SIK2: variants seen among roughly 807,000 people sequenced by gnomAD.
SIK2 encodes serine/threonine-protein kinase SIK2.
SIK2 carries 29 observed loss-of-function variants against 103.2 expected under a neutral mutation model. The observed-to-expected ratio is 0.28, with a 90% CI of 0.21 to 0.38. The LOEUF is 0.38. Among genes scored for constraint, SIK2 ranks in the 10% least tolerant of loss-of-function variants. The pLI, the probability that SIK2 is intolerant of heterozygous loss-of-function variation, is 1.00. For synonymous variants in SIK2, 412 were observed against 446.1 expected (o/e 0.92, Z 0.96); for missense variants, 879 against 1,171.0 (o/e 0.75, Z 3.64).
At chr11:111,621,702 G>T (rs1941888570) in intron 3 of SIK2, among the ~76,000 whole-genome samples, 1 of 152,028 alleles carries the variant, frequency 6.6e-6, no homozygotes, top group Non-Finnish European at 1.5e-5. Context: ...ATCACCTGAG[G>T]TCAGGAGTTC....
chr11:111,626,788 T>G (rs1941967112), intron 3 of SIK2, among the ~76,000 whole-genome samples: 1 of 152,192 alleles, frequency 6.6e-6, no homozygotes, highest in Non-Finnish European at 1.5e-5. Context: ...CAGTGTACTG[T>G]ACTCTGTTAT....
At chr11:111,628,417 T>TCTTTCTTTCTTTCTTTCTTC in intron 3 of SIK2, among the ~76,000 whole-genome samples, 1 of 30,466 alleles carries the variant, frequency 3.3e-5, no homozygotes, top group East Asian at 5.5e-4. Flanking sequence ...CGCTTTCATA[T>TCTTTCTTTCTTTCTTTCTTC]CTTTCTTTCT....
At chr11:111,697,544 G>T (rs1264374909) in intron 4 of SIK2, among the ~76,000 whole-genome samples, 1 of 152,186 alleles carries the variant, frequency 6.6e-6, no homozygotes, top group African/African-American at 2.4e-5. Flanking sequence ...TTCATGAAAT[G>T]TAAGTGTTGT....
chr11:111,715,252 A>C (rs1277857460), intron 9 of SIK2, among the ~76,000 whole-genome samples: 1 of 152,172 alleles, frequency 6.6e-6, no homozygotes, highest in Non-Finnish European at 1.5e-5. Context: ...TGTCAGCAAA[A>C]ACGCTTGTCC....
intron 9 of SIK2, among the ~76,000 whole-genome samples, chr11:111,715,793 CTTTTTTTT>C (rs535843069): frequency 1.2e-5 from 1 of 81,580 alleles, no homozygotes; most frequent in African/African-American, 4.9e-5. Flanking sequence ...TCATTTTTAG[CTTTTTTTT>C]TTTTTTTTTT....
At chr11:111,642,458 C>T (rs1942195384) in intron 3 of SIK2, among the ~76,000 whole-genome samples, 1 of 152,116 alleles carries the variant, frequency 6.6e-6, no homozygotes, top group Non-Finnish European at 1.5e-5. Context: ...AAGAATACAA[C>T]TCAGAAACAG....
chr11:111,644,302 A>C (rs1399663557), intron 3 of SIK2, among the ~76,000 whole-genome samples: 1 of 150,786 alleles, frequency 6.6e-6, no homozygotes, highest in East Asian at 1.9e-4. Context: ...AAAAAAAAAA[A>C]AAGAAAGAAA....
At chr11:111,626,409 T>C (rs1009273576) in intron 3 of SIK2, among the ~76,000 whole-genome samples, 1 of 152,052 alleles carries the variant, frequency 6.6e-6, no homozygotes, top group African/African-American at 2.4e-5. Flanking sequence ...TTCTCTCTTT[T>C]CCCTTACTTG....
chr11:111,721,206 G>A (rs965187651), intron 12 of SIK2, 144 bp downstream of exon 12: 23 of 1,021,560 alleles, frequency 2.3e-5, no homozygotes, highest in East Asian at 8.0e-5. Context: ...TCTTTGCCTT[G>A]TTGCTGCCAC....
intron 1 of SIK2, among the ~76,000 whole-genome samples, chr11:111,610,481 C>CTT: frequency 6.9e-6 from 1 of 145,646 alleles, no homozygotes; most frequent in Middle Eastern, 3.6e-3. Flanking sequence ...GAGCAAGACT[C>CTT]TGTCTAAAAA....
intron 3 of SIK2, among the ~76,000 whole-genome samples, chr11:111,624,605 TCA>T (rs1255374899): frequency 1.3e-5 from 2 of 152,250 alleles, no homozygotes; most frequent in African/African-American, 4.8e-5. Context: ...CAATTACTTG[TCA>T]CACACTGTTA....
chr11:111,655,916 C>G (rs555786737), intron 3 of SIK2, among the ~76,000 whole-genome samples: 2 of 151,950 alleles, frequency 1.3e-5, no homozygotes, highest in African/African-American at 2.4e-5. Context: ...GGTGCAGTGG[C>G]TCACACCTGT....
intron 3 of SIK2, among the ~76,000 whole-genome samples, chr11:111,642,151 C>T (rs1183961895): frequency 2.6e-5 from 4 of 152,082 alleles, no homozygotes; most frequent in Non-Finnish European, 5.9e-5. Context: ...GGAGGGGCTC[C>T]CTCCACACCA....
intron 3 of SIK2, among the ~76,000 whole-genome samples, chr11:111,663,209 G>T (rs1164155150): frequency 6.7e-6 from 1 of 149,852 alleles, no homozygotes; most frequent in Non-Finnish European, 1.5e-5. Flanking sequence ...CTCCAGCCTG[G>T]GCAACAGAGT....
Position 111,723,789 on chromosome 11 carries a change from T to G in SIK2, c.2441T>G (p.Leu814Arg), listed in dbSNP as rs1232067247. 3 of 1,613,868 alleles carry G rather than the reference T, an allele frequency of 1.9e-6. No homozygotes were observed. The highest frequency in any genetic ancestry group is 2.5e-6 in the Non-Finnish European group (3 of 1,180,046). The part of the protein sequence containing the change: ...STSGPRAAPP[L>R]PTQLQQQQPP... ...TCCGGTCCCCGGGCTGCTCCTCCTC[T>G]GCCCACGCAGCTACAGCAGCAGCAG... Residue 814 changes from leucine (L) to arginine (R), a missense_variant, in exon 15 of 15, where the codon CTG becomes CGG. Physicochemically the swap from Leu to Arg is moderately radical, Grantham distance 102. Coordinates refer to ENST00000304987, the MANE Select transcript of SIK2 (RefSeq NM_015191.3).
At chr11:111,614,085 A>AT (rs5794759) in intron 1 of SIK2, among the ~76,000 whole-genome samples, 78,603 of 137,588 alleles carry the variant, frequency 0.57, 24,799 homozygotes, top group East Asian at 0.85. Context: ...CTCTCCCCCC[A>AT]TTTTTTTTTT....
chr11:111,671,392 C>T, intron 3 of SIK2: 1 of 251,792 alleles, frequency 4.0e-6, no homozygotes, highest in Non-Finnish European at 7.9e-6. Flanking sequence ...ACATACTGCT[C>T]AGCATCTGAT....
At position 111,712,358 on chromosome 11, in the gene SIK2, T is replaced by C. The variant is rs753251468; in HGVS notation, c.1249T>C (p.Cys417Arg). 36 of 1,613,894 alleles carry C rather than the reference T, an allele frequency of 2.2e-5. No individual in the cohort carries two copies. The South Asian group carries it at 2.3e-4, about 10-fold the overall frequency. ...GGAAGCTGCATTCATGGAAGAAGAG[T>C]GTGTGGACACTCCAAAGGTACGGCT... ...QAEAAFMEEE[C>R]VDTPKVNGCL... The change falls in exon 9 of 15, where the codon TGT becomes CGT. Residue 417 changes from cysteine (C) to arginine (R), a missense_variant. Coordinates refer to ENST00000304987, the MANE Select transcript of SIK2 (RefSeq NM_015191.3).
chr11:111,672,310 C>G (rs940823746), intron 3 of SIK2: 19 of 436,302 alleles, frequency 4.4e-5, no homozygotes, highest in Admixed American at 2.2e-4. Context: ...GGAGCTGATG[C>G]AGGCACCAGG....
Sources: gnomAD v4.1 joint callset for allele counts (sites outside exome capture counted in the v4.1 genomes callset) on GRCh38, gnomAD v4.1.1 for gene constraint, MANE v1.5 for transcripts, NCBI Gene and HGNC (gene_info 2026-07-23, HGNC 2026-07-21) for gene names.